The following MYNN variants were observed in gnomAD, a reference collection of about 807,000 sequenced individuals.
The protein encoded by MYNN is zinc finger and BTB domain-containing protein 31.
A neutral mutation model predicts 57.2 loss-of-function variants in MYNN; 22 were observed. The observed-to-expected ratio is 0.38, with a 90% confidence interval of 0.27 to 0.55. The LOEUF (loss-of-function observed/expected upper bound fraction) is 0.55, where lower values mean the gene tolerates loss of function less well. Among genes scored for constraint, MYNN ranks in the 20% least tolerant of loss-of-function variants. The pLI, the probability that MYNN is intolerant of heterozygous loss-of-function variation, is 0.71. For missense variants in MYNN, 566 were observed against 723.1 expected (o/e 0.78, Z 2.49); for synonymous variants, 241 against 257.1 (o/e 0.94, Z 0.60).
At chr3:169,785,526 A>C (rs1176752053) in intron 7 of MYNN, among the ~76,000 whole-genome samples, 1 of 152,016 alleles carries the variant, frequency 6.6e-6, no homozygotes, top group Non-Finnish European at 1.5e-5. Flanking sequence ...AAAAGTGCTA[A>C]AGAAGATACT....
At chr3:169,777,910 C>A (rs1411267019) in intron 2 of MYNN, 1 of 152,172 alleles carries the variant, frequency 6.6e-6, no homozygotes, top group East Asian at 1.9e-4. Flanking sequence ...TTCCTCTAAG[C>A]AACATTGGCA....
At chr3:169,783,907 G>T in intron 6 of MYNN, 1 of 259,298 alleles carries the variant, frequency 3.9e-6, no homozygotes, top group South Asian at 3.9e-5. Flanking sequence ...TGTTTAGTAT[G>T]CAATTTTTAG....
rs1177564338 is a variant in MYNN, at chr3:169,786,683, G to A, written c.*5G>A. The A allele has an allele frequency of 6.2e-7, 1 of 1,609,980 alleles. No homozygotes were observed. Among genetic ancestry groups the A allele is most frequent in the South Asian group, 1.1e-5 (1 of 90,900 alleles). On this transcript the variant is annotated 3_prime_UTR_variant, in exon 8 of 8. Transcript: ENST00000349841. Reference sequence around the variant, plus strand: ...TTTTTACAACAATTATACTGACTTTGTAAGGAATATGGAATTGCTAAGATA... The same window carrying A: ...TTTTTACAACAATTATACTGACTTTATAAGGAATATGGAATTGCTAAGATA...
chr3:169,778,771 G>C lies in MYNN; in HGVS notation c.270G>C (p.Trp90Cys). 1 of 1,585,144 alleles carries C rather than the reference G, an allele frequency of 6.3e-7. No homozygotes were observed. ...ATGTAGCCTTGTTTCCTTGCAGTTG[G>C]AATGTTAAAGAAATTCATCAGGCTG... ...IYTGTLNLDS[W>C]NVKEIHQAAD... Residue 90 changes from tryptophan (W) to cysteine (C), a missense_variant, in exon 3 of 8, where the codon TGG (tryptophan) becomes TGC (cysteine). This residue lies in a region of MYNN where 261 missense variants were observed against 280.8 expected (regional missense o/e 0.93). Transcript: ENST00000349841.
In MYNN at chr3:169,774,182, A is replaced by C; in HGVS notation, c.-31-83A>C. ...ATTTTCAAGGGGGCTAAAATTGTTT[A>C]AGTTATGTCCTCTGTCCCTTCCCTC... On this transcript the variant is annotated intron_variant, in intron 1 of 7. Coordinates refer to ENST00000349841, the MANE Select transcript of MYNN (RefSeq NM_018657.5). 2.8e-6 allele frequency: 3 copies of C among 1,064,126 alleles called. 1 individual carries two copies. Among genetic ancestry groups the C allele is most frequent in the Non-Finnish European group, 4.1e-6 (3 of 724,412 alleles). The allele number at this position is 1,064,126 out of a possible 1,614,324, so 65.9% of individuals were successfully genotyped here. A position where few individuals can be genotyped will look rare whatever the true frequency, so the allele number is the denominator to read the frequency against.
rs1778763552 is a variant in MYNN at position 169,789,480 on chromosome 3, A to G, written c.*2802A>G. On this transcript the variant is annotated 3_prime_UTR_variant, in exon 8 of 8. Coordinates refer to ENST00000349841, the MANE Select transcript of MYNN (RefSeq NM_018657.5). ...GGCATATATATGCTGGGGAAGCCCC[A>G]TAGGTGATTTTAATGTATACCAAAC... 1 of 152,216 alleles carries G rather than the reference A, an allele frequency of 6.6e-6. No homozygotes were observed. The highest frequency in any genetic ancestry group is 1.5e-5 in the Non-Finnish European group (1 of 68,032). 9.4% of individuals were successfully genotyped at this position (152,216 alleles called of 1,614,324 possible). A position where few individuals can be genotyped will look rare whatever the true frequency, so the allele number is the denominator to read the frequency against.
rs1310022295 is a variant in MYNN, at chr3:169,789,329, AT to A, written c.*2652del. ...TACAGAAATTGTGTGAGTAGTTGAA[AT>A]AATGTACATGTACTAGTTTTTTTAA... On this transcript the variant is annotated 3_prime_UTR_variant, in exon 8 of 8. Coordinates refer to ENST00000349841, the MANE Select transcript of MYNN (RefSeq NM_018657.5). 3.9e-5 allele frequency: 6 copies of A among 152,204 alleles called. No homozygotes were observed. The highest frequency in any genetic ancestry group is 7.3e-5 in the Non-Finnish European group (5 of 68,030). 9.4% of individuals were successfully genotyped at this position (152,204 alleles called of 1,614,324 possible). A position where few individuals can be genotyped will look rare whatever the true frequency, so the allele number is the denominator to read the frequency against.
intron 1 of MYNN, among the ~76,000 whole-genome samples, chr3:169,773,859 G>C (rs1778248323): frequency 6.6e-6 from 1 of 152,218 alleles, no homozygotes; most frequent in Non-Finnish European, 1.5e-5. Flanking sequence ...ACAGGTTTTG[G>C]TGACTTGAGA....
At chr3:169,781,435 G>A (rs1172745353) in intron 4 of MYNN, among the ~76,000 whole-genome samples, 4 of 152,196 alleles carry the variant, frequency 2.6e-5, no homozygotes, top group Non-Finnish European at 5.9e-5. Flanking sequence ...GAAGATAACA[G>A]TTTGGCAATC....
intron 1 of MYNN, chr3:169,774,064 T>C (rs1359683409): frequency 4.1e-6 from 2 of 482,078 alleles, no homozygotes; most frequent in Non-Finnish European, 7.4e-6. Flanking sequence ...CGTCACTTAT[T>C]GATGTGTCCA....
intron 6 of MYNN, 100 bp from the exon 7 acceptor site, chr3:169,784,522 A>G: frequency 2.8e-6 from 2 of 720,090 alleles, no homozygotes; most frequent in South Asian, 1.7e-5. Context: ...AAATTTAAAC[A>G]CTATAATAAT....
Position 169,784,614 on chromosome 3 carries a change from T to C in MYNN, c.1484-8T>C. 1 of 1,515,642 alleles carries C rather than the reference T, an allele frequency of 6.6e-7. No individual in the cohort carries two copies. 93.9% of individuals were successfully genotyped at this position (1,515,642 alleles called of 1,614,324 possible). ...TATTGAAATTTAAACTTCTAATTTG[T>C]TTTTCAGGAGAAAGACCATTTATCT... is the stretch of plus-strand genomic sequence containing the variant. On this transcript the variant is annotated splice_polypyrimidine_tract_variant and splice_region_variant and intron_variant, in intron 6 of 7. Transcript: ENST00000349841.
intron 2 of MYNN, among the ~76,000 whole-genome samples, chr3:169,776,785 C>G (rs1236702474): frequency 6.8e-6 from 1 of 146,480 alleles, no homozygotes; most frequent in African/African-American, 2.6e-5. Context: ...CTCACTGCAA[C>G]CTCCACCTCC....
In MYNN at chr3:169,783,459, C is replaced by A; in HGVS notation, c.1400-18C>A. 1 of 1,505,694 alleles carries A rather than the reference C, an allele frequency of 6.6e-7. No individual in the cohort carries two copies. The highest frequency in any genetic ancestry group is 9.2e-7 in the Non-Finnish European group (1 of 1,084,764). The allele number at this position is 1,505,694 out of a possible 1,614,324, so 93.3% of individuals were successfully genotyped here. A position where few individuals can be genotyped will look rare whatever the true frequency, so the allele number is the denominator to read the frequency against. ...TTGGTATAGTACACCACTTCGCTAT[C>A]TTTTATTTTCCATCTAGGTGAAAAA... On this transcript the variant is annotated intron_variant, in intron 5 of 7. Transcript: ENST00000349841.
At chr3:169,784,411 T>G (rs1222983733) in intron 6 of MYNN, among the ~76,000 whole-genome samples, 2 of 151,986 alleles carry the variant, frequency 1.3e-5, no homozygotes, top group Non-Finnish European at 2.9e-5. Flanking sequence ...GCTCAAGTTT[T>G]CTTGAGATAC....
chr3:169,786,675 C>T lies in MYNN; in HGVS notation c.1830C>T (p.Tyr610=), dbSNP rs759687475. The T allele has an allele frequency of 1.4e-5, 23 of 1,611,012 alleles. No individual in the cohort carries two copies. The highest frequency in any genetic ancestry group is 1.9e-5 in the Non-Finnish European group (22 of 1,178,316). The change falls in exon 8 of 8, where the codon TAC becomes TAT. Residue 610 remains tyrosine (Y), a synonymous_variant. Transcript: ENST00000349841. The part of the protein sequence containing the change: ...EPQLIFLQQL[Y] Reference sequence around the variant, plus strand: ...AGTTGATTTTTTTACAACAATTATACTGACTTTGTAAGGAATATGGAATTG... The same window carrying T: ...AGTTGATTTTTTTACAACAATTATATTGACTTTGTAAGGAATATGGAATTG...
intron 2 of MYNN, chr3:169,777,051 T>C (rs1778370019): frequency 6.6e-6 from 1 of 152,246 alleles, no homozygotes; most frequent in South Asian, 2.1e-4. Flanking sequence ...GACCTTGTTA[T>C]CTGTTTGGCG....
In MYNN at chr3:169,773,424, A is replaced by T. The variant is rs1021595943; in HGVS notation, c.-70A>T. On this transcript the variant is annotated 5_prime_UTR_variant, in exon 1 of 8. Transcript: ENST00000349841. ...GACGTCCTCCCAAGATGGCGGAGAC[A>T]GAGTGAAGAAACTGTGTTCCCCCCT... is the stretch of plus-strand genomic sequence containing the variant. The T allele has an allele frequency of 2.0e-5, 3 of 152,398 alleles. No homozygotes were observed. The highest frequency in any genetic ancestry group is 2.9e-5 in the Non-Finnish European group (2 of 68,172). 9.4% of individuals were successfully genotyped at this position (152,398 alleles called of 1,614,324 possible).
Position 169,774,578 on chromosome 3 carries a change from A to G in MYNN, c.266+17A>G. On this transcript the variant is annotated intron_variant, in intron 2 of 7. Coordinates refer to ENST00000349841, the MANE Select transcript of MYNN (RefSeq NM_018657.5). ...TCTTGACAGGTAAAGTACACATTTTATTTTCAGTTATAAAAGCTAGTCAGT... is the reference window on the plus strand; with the variant it reads ...TCTTGACAGGTAAAGTACACATTTTGTTTTCAGTTATAAAAGCTAGTCAGT... 1 of 1,597,190 alleles carries G rather than the reference A, an allele frequency of 6.3e-7. No homozygotes were observed. The highest frequency in any genetic ancestry group is 2.2e-5 in the East Asian group (1 of 44,538).
Sources: allele counts gnomAD v4.1 joint callset (sites outside exome capture counted in the v4.1 genomes callset), GRCh38; gene constraint gnomAD v4.1.1; regional missense constraint gnomAD v4.1.1; transcripts MANE v1.5; gene names NCBI Gene and HGNC (gene_info 2026-07-23, HGNC 2026-07-21).